TNNI3K: variants seen among roughly 807,000 people sequenced by gnomAD.
TNNI3K encodes serine/threonine-protein kinase TNNI3K.
In TNNI3K, 140 loss-of-function variants were observed where a neutral mutation model predicts 114.5. The ratio of observed to expected loss-of-function variants is 1.22; its 90% CI spans 1.07 to 1.41. The LOEUF is 1.41. TNNI3K is among the 40% of genes most tolerant of loss of function. The pLI is 0.00. For synonymous variants in TNNI3K, 347 were observed against 347.5 expected, an observed-to-expected ratio of 1.00 and a Z score of 0.02; for missense variants, 1,125 against 1,007.6, an observed-to-expected ratio of 1.12 and a Z score of -1.58.
At chr1:74,249,959 C>T (rs1049411757) in intron 3 of TNNI3K, among the ~76,000 whole-genome samples, 2 of 152,050 alleles carry the variant, frequency 1.3e-5, no homozygotes, top group Non-Finnish European at 2.9e-5. Flanking sequence ...GAAGATTGAT[C>T]GAAGTGAAGA....
chr1:74,314,908 G>C (rs1036562063), intron 5 of TNNI3K, among the ~76,000 whole-genome samples: 1 of 151,998 alleles, frequency 6.6e-6, no homozygotes, highest in African/African-American at 2.4e-5. Flanking sequence ...TTAGGAAATA[G>C]GTCAAAGGAA....
At chr1:74,536,983 G>T (rs3845345) in intron 23 of TNNI3K, among the ~76,000 whole-genome samples, 78,630 of 151,952 alleles carry the variant, frequency 0.52, 21,628 homozygotes, top group East Asian at 0.73. Flanking sequence ...ATTGATCAGG[G>T]TCTGGTTTCT....
intron 5 of TNNI3K, among the ~76,000 whole-genome samples, chr1:74,300,192 T>A (rs748416134): frequency 6.6e-6 from 1 of 152,102 alleles, no homozygotes; most frequent in Non-Finnish European, 1.5e-5. Flanking sequence ...AATGAGAAAA[T>A]ACTTCTGAAA....
chr1:74,449,878 T>C (rs1341583912), intron 20 of TNNI3K, among the ~76,000 whole-genome samples: 1 of 139,724 alleles, frequency 7.2e-6, no homozygotes, highest in Non-Finnish European at 1.5e-5. Flanking sequence ...TACCCAGGAA[T>C]TGAACTCAGC....
At chr1:74,421,950 TTTA>T (rs137874168) in intron 17 of TNNI3K, among the ~76,000 whole-genome samples, 12,977 of 145,262 alleles carry the variant, frequency 0.089, 682 homozygotes, top group African/African-American at 0.14. Context: ...CTGGATTGCT[TTTA>T]TTATTATTAT....
chr1:74,459,994 C>T (rs1009628452), intron 20 of TNNI3K, among the ~76,000 whole-genome samples: 1 of 152,012 alleles, frequency 6.6e-6, no homozygotes, highest in African/African-American at 2.4e-5. Context: ...TAAAATTAAA[C>T]AAATTAAAAA....
intron 7 of TNNI3K, among the ~76,000 whole-genome samples, chr1:74,339,286 C>T (rs1317190733): frequency 7.2e-5 from 11 of 152,200 alleles, no homozygotes; most frequent in African/African-American, 1.4e-4. Flanking sequence ...CAAGAGACGG[C>T]GTGACTCACA....
At chr1:74,471,493 C>T in intron 21 of TNNI3K, 1 of 400,486 alleles carries the variant, frequency 2.5e-6, no homozygotes, top group Non-Finnish European at 4.4e-6. Context: ...TTTAATTTTC[C>T]CTTTGAGGTC....
chr1:74,395,849 A>G (rs998515645), intron 17 of TNNI3K, among the ~76,000 whole-genome samples: 2 of 152,214 alleles, frequency 1.3e-5, no homozygotes, highest in African/African-American at 4.8e-5. Flanking sequence ...AAATTCCCCC[A>G]GAGGGAAAAG....
intron 17 of TNNI3K, among the ~76,000 whole-genome samples, chr1:74,431,184 C>T (rs948954601): frequency 6.6e-6 from 1 of 151,936 alleles, no homozygotes; most frequent in African/African-American, 2.4e-5. Flanking sequence ...GAAAAAGAGT[C>T]TCAAAAAGTT....
chr1:74,292,557 A>G (rs999575521), intron 5 of TNNI3K, among the ~76,000 whole-genome samples: 4 of 151,628 alleles, frequency 2.6e-5, no homozygotes, highest in African/African-American at 9.7e-5. Context: ...ACTGTAAGCA[A>G]AGAACTTCGT....
At chr1:74,475,807 G>A in intron 21 of TNNI3K, 1 of 601,928 alleles carries the variant, frequency 1.7e-6, no homozygotes, top group Non-Finnish European at 3.0e-6. Context: ...GAGACCAACA[G>A]CTCCTATGAC....
At chr1:74,404,651 T>C (rs142547351) in intron 17 of TNNI3K, among the ~76,000 whole-genome samples, 290 of 152,316 alleles carry the variant, frequency 1.9e-3, no homozygotes, top group African/African-American at 6.9e-3. Flanking sequence ...ATGCTGCTGA[T>C]TTGGGAACCA....
chr1:74,513,275 G>T (rs543668958), intron 23 of TNNI3K, among the ~76,000 whole-genome samples: 1 of 152,290 alleles, frequency 6.6e-6, no homozygotes, highest in African/African-American at 2.4e-5. Context: ...ACCGGGATGT[G>T]GAAATTTACT....
chr1:74,383,925 T>C (rs1360204808), intron 17 of TNNI3K, among the ~76,000 whole-genome samples: 1 of 152,072 alleles, frequency 6.6e-6, no homozygotes, highest in African/African-American at 2.4e-5. Context: ...ATAAAGCTGG[T>C]AAGTGACAGA....
At position 74,537,622 on chromosome 1, in the gene TNNI3K, C is replaced by T. The variant is rs573959044; in HGVS notation, c.2352-2612C>T. Among the ~76,000 whole-genome samples the T allele has an allele frequency of 1.2e-4, 18 of 152,184 alleles. No homozygotes were observed. The East Asian group carries it at 2.3e-3, about 20-fold the overall frequency. The stretch of plus-strand genomic sequence containing the variant: ...AAGTATTTGCAGAGTACTGGCTAAC[C>T]CCTGTGGGGAATCTAAAGATGTCAG... On this transcript the variant is annotated intron_variant, in intron 23 of 24. Coordinates refer to ENST00000326637, the MANE Select transcript of TNNI3K (RefSeq NM_015978.3).
chr1:74,416,315 A>G (rs753021174), intron 17 of TNNI3K: 17 of 985,242 alleles, frequency 1.7e-5, no homozygotes, highest in Non-Finnish European at 1.9e-5. Flanking sequence ...AGGCACTACC[A>G]AAAAGGGACC....
intron 6 of TNNI3K, among the ~76,000 whole-genome samples, chr1:74,333,898 A>T (rs1660339578): frequency 6.6e-6 from 1 of 152,214 alleles, no homozygotes; most frequent in East Asian, 1.9e-4. Flanking sequence ...GTAAGTGGAA[A>T]TATCTGCTTA....
chr1:74,328,332 A>G (rs1247488451), intron 5 of TNNI3K, among the ~76,000 whole-genome samples: 1 of 152,102 alleles, frequency 6.6e-6, no homozygotes, highest in African/African-American at 2.4e-5. Context: ...TCTGAAGCAG[A>G]TGAATCATGA....
Sources: allele counts gnomAD v4.1 joint callset (sites outside exome capture counted in the v4.1 genomes callset), GRCh38; gene constraint gnomAD v4.1.1; transcripts MANE v1.5; gene names NCBI Gene and HGNC (gene_info 2026-07-23, HGNC 2026-07-21).